NEK11: variants seen among roughly 807,000 people sequenced by gnomAD.
NEK11 encodes the protein serine/threonine-protein kinase Nek11.
Under a neutral mutation model 80.7 loss-of-function variants are expected in NEK11, and 72 were observed. The observed-to-expected ratio is 0.89, with a 90% CI of 0.74 to 1.08. The LOEUF (loss-of-function observed/expected upper bound fraction) is 1.08. NEK11 is among the 50% of genes least tolerant of loss of function. NEK11 has a pLI of 0.00. For missense variants in NEK11, 764 were observed against 763.6 expected, an observed-to-expected ratio of 1.00 and a Z score of -0.01; for synonymous variants, 251 against 260.7, an observed-to-expected ratio of 0.96 and a Z score of 0.36.
At chr3:131,060,161 T>C (rs955785272) in intron 3 of NEK11, among the ~76,000 whole-genome samples, 6 of 152,174 alleles carry the variant, frequency 3.9e-5, no homozygotes, top group Non-Finnish European at 4.4e-5. Flanking sequence ...TGTCCCCTGT[T>C]AAAAGACAGA....
At chr3:131,124,076 A>T (rs1198994340) in intron 5 of NEK11, among the ~76,000 whole-genome samples, 1 of 152,178 alleles carries the variant, frequency 6.6e-6, no homozygotes, top group Non-Finnish European at 1.5e-5. Flanking sequence ...CTGTAACACG[A>T]CCACGTATCC....
At chr3:131,042,007 G>A (rs1303008734) in intron 3 of NEK11, among the ~76,000 whole-genome samples, 1 of 152,178 alleles carries the variant, frequency 6.6e-6, no homozygotes, top group Non-Finnish European at 1.5e-5. Flanking sequence ...GGGTTGGGGA[G>A]CTCCCTCCCC....
intron 5 of NEK11, among the ~76,000 whole-genome samples, chr3:131,110,763 A>G (rs1560451088): frequency 6.6e-6 from 1 of 152,158 alleles, no homozygotes. Flanking sequence ...CGTGGATGTC[A>G]GGTTGCTTAA....
At chr3:131,087,099 C>T (rs1418731387) in intron 4 of NEK11, among the ~76,000 whole-genome samples, 3 of 151,990 alleles carry the variant, frequency 2.0e-5, no homozygotes, top group Admixed American at 6.6e-5. Context: ...TATAATTGTT[C>T]GTTATTTCAC....
intron 16 of NEK11, among the ~76,000 whole-genome samples, chr3:131,269,260 T>C (rs1375581280): frequency 6.6e-6 from 1 of 152,184 alleles, no homozygotes; most frequent in Non-Finnish European, 1.5e-5. Context: ...TTCAGCCCCC[T>C]TTCCAGGGAA....
chr3:131,139,198 A>C (rs1184287249), intron 7 of NEK11, among the ~76,000 whole-genome samples: 1 of 152,020 alleles, frequency 6.6e-6, no homozygotes, highest in Non-Finnish European at 1.5e-5. Context: ...ATAATTAAAA[A>C]GAATCAAGCA....
rs560306382 is a variant in NEK11 at position 131,140,591 on chromosome 3, A to T, written c.647+6635A>T. ...GCAGTGGTGACTGGAGCAGGACTTC[A>T]TCAGGAGAACGGCAAGCAGGAGTTG... On this transcript the variant is annotated intron_variant, in intron 7 of 17. Coordinates refer to ENST00000383366, the MANE Select transcript of NEK11 (RefSeq NM_024800.5). Among the ~76,000 whole-genome samples the T allele has an allele frequency of 3.9e-5, 6 of 152,308 alleles. No homozygotes were observed. The East Asian group carries it at 1.2e-3, about 29-fold the overall frequency.
At chr3:131,149,996 C>T (rs2089302489) in intron 7 of NEK11, among the ~76,000 whole-genome samples, 1 of 151,956 alleles carries the variant, frequency 6.6e-6, no homozygotes, top group Non-Finnish European at 1.5e-5. Context: ...ACCTTAACTG[C>T]ATTCAATGTG....
chr3:131,257,228 T>G (rs1448774511), intron 16 of NEK11, among the ~76,000 whole-genome samples: 1 of 151,608 alleles, frequency 6.6e-6, no homozygotes, highest in Non-Finnish European at 1.5e-5. Context: ...ACCCCTGGGC[T>G]CAAGTGGTTC....
At chr3:131,311,300 T>C (rs563038728) in intron 17 of NEK11, among the ~76,000 whole-genome samples, 3 of 152,290 alleles carry the variant, frequency 2.0e-5, no homozygotes, top group African/African-American at 7.2e-5. Flanking sequence ...AAATATACAA[T>C]ACATTGTGGT....
At chr3:131,029,947 A>C in intron 3 of NEK11, 69 bp downstream of exon 3, 1 of 1,459,600 alleles carries the variant, frequency 6.9e-7, no homozygotes, top group Non-Finnish European at 9.5e-7. Flanking sequence ...GCTGATTAGG[A>C]ACATGGAGCA....
At chr3:131,096,903 G>A (rs1442306002) in intron 4 of NEK11, among the ~76,000 whole-genome samples, 5 of 98,234 alleles carry the variant, frequency 5.1e-5, no homozygotes, top group East Asian at 3.0e-4. Context: ...ACCCCACAAC[G>A]GTCCCCAGAA....
intron 14 of NEK11, among the ~76,000 whole-genome samples, chr3:131,218,856 A>G (rs1373087042): frequency 6.6e-6 from 1 of 152,156 alleles, no homozygotes; most frequent in Non-Finnish European, 1.5e-5. Context: ...TCTTCTTTTG[A>G]GAAGAGTCTG....
chr3:131,209,111 T>C (rs1267500086), intron 14 of NEK11, among the ~76,000 whole-genome samples: 1 of 152,180 alleles, frequency 6.6e-6, no homozygotes, highest in African/African-American at 2.4e-5. Flanking sequence ...TTGTCATAAA[T>C]AGCTCTTATT....
Position 131,350,047 on chromosome 3 carries a change from T to C in NEK11, c.*271T>C. The C allele has an allele frequency of 2.6e-6, 1 of 383,110 alleles. No homozygotes were observed. Among genetic ancestry groups the C allele is most frequent in the Non-Finnish European group, 4.8e-6 (1 of 208,156 alleles). 23.7% of individuals were successfully genotyped at this position (383,110 alleles called of 1,614,324 possible). ...AAAAGCATTTCTCTCATGTGCGCCC[T>C]CAGGGCTTCCAGCAGGATTGAGTCA... On this transcript the variant is annotated 3_prime_UTR_variant, in exon 18 of 18. Coordinates refer to ENST00000383366, the MANE Select transcript of NEK11 (RefSeq NM_024800.5).
At chr3:131,047,231 G>A (rs1395337747) in intron 3 of NEK11, among the ~76,000 whole-genome samples, 1 of 152,032 alleles carries the variant, frequency 6.6e-6, no homozygotes, top group East Asian at 1.9e-4. Flanking sequence ...TTTCTCTGAT[G>A]CCTTCTCGAT....
chr3:131,072,608 C>T (rs2073595991), intron 3 of NEK11, among the ~76,000 whole-genome samples: 1 of 152,072 alleles, frequency 6.6e-6, no homozygotes, highest in South Asian at 2.1e-4. Context: ...AAGATAGGGA[C>T]AAGGAGGAGC....
At chr3:131,140,150 G>A (rs2149681000) in intron 7 of NEK11, among the ~76,000 whole-genome samples, 1 of 152,284 alleles carries the variant, frequency 6.6e-6, no homozygotes. Context: ...ATTTGGGTAA[G>A]CCTGTGATTA....
intron 5 of NEK11, among the ~76,000 whole-genome samples, chr3:131,122,705 G>A (rs758709842): frequency 2.6e-5 from 4 of 152,250 alleles, no homozygotes; most frequent in South Asian, 4.1e-4. Context: ...GGCTTGAGGG[G>A]AGGTGAGAGG....
Sources: allele counts gnomAD v4.1 joint callset (sites outside exome capture counted in the v4.1 genomes callset), GRCh38; gene constraint gnomAD v4.1.1; transcripts MANE v1.5; gene names NCBI Gene and HGNC (gene_info 2026-07-23, HGNC 2026-07-21).